WIF1: variants seen among roughly 807,000 people sequenced by gnomAD.
WIF1 encodes the protein Wnt inhibitory factor 1.
WIF1 carries 35 observed loss-of-function variants against 53.5 expected under a neutral mutation model. The observed-to-expected ratio is 0.65, with a 90% CI of 0.50 to 0.87. WIF1 has a LOEUF of 0.87. WIF1 is among the 40% of genes least tolerant of loss of function. The probability of loss-of-function intolerance (pLI) is 0.00; values close to 1 mark genes in which losing one functional copy is unlikely to be tolerated. For missense variants in WIF1, 467 were observed against 476.8 expected, an observed-to-expected ratio of 0.98 and a Z score of 0.19; for synonymous variants, 171 against 170.4, an observed-to-expected ratio of 1.00 and a Z score of -0.03.
At chr12:65,107,850 T>C (rs1345887753) in intron 2 of WIF1, among the ~76,000 whole-genome samples, 1 of 152,206 alleles carries the variant, frequency 6.6e-6, no homozygotes, top group Admixed American at 6.5e-5. Context: ...ACTGACTTGC[T>C]CTGTCACCTG....
intron 4 of WIF1, 25 bp from the exon 5 acceptor site, chr12:65,067,815 A>G (rs1405191389): frequency 1.2e-6 from 2 of 1,603,870 alleles, no homozygotes; most frequent in East Asian, 4.5e-5. Flanking sequence ...AACAAAGCTT[A>G]TATGGACACC....
chr12:65,066,255 C>T (rs1024058449), intron 6 of WIF1, among the ~76,000 whole-genome samples: 9 of 152,128 alleles, frequency 5.9e-5, no homozygotes, highest in African/African-American at 2.2e-4. Context: ...AAATTCTGGG[C>T]CAGGGCTTTT....
intron 2 of WIF1, among the ~76,000 whole-genome samples, chr12:65,085,326 A>G (rs1004774544): frequency 1.3e-5 from 2 of 152,168 alleles, no homozygotes; most frequent in African/African-American, 4.8e-5. Context: ...AAATTCATCC[A>G]TATTTCATAT....
chr12:65,104,015 C>T (rs542515633), intron 2 of WIF1, among the ~76,000 whole-genome samples: 58 of 152,190 alleles, frequency 3.8e-4, no homozygotes, highest in Non-Finnish European at 6.0e-4. Flanking sequence ...CAGTGAGTCA[C>T]GTTCATGCCA....
chr12:65,079,649 G>A (rs1295155068), intron 2 of WIF1, among the ~76,000 whole-genome samples: 1 of 149,774 alleles, frequency 6.7e-6, no homozygotes, highest in Non-Finnish European at 1.5e-5. Flanking sequence ...AAAAGCGGAA[G>A]GAGAGTTGTG....
intron 2 of WIF1, among the ~76,000 whole-genome samples, chr12:65,079,007 A>G (rs1350738540): frequency 6.6e-6 from 1 of 152,074 alleles, no homozygotes. Flanking sequence ...TCTACTAAAA[A>G]TACAAAACTT....
At chr12:65,072,298 A>T (rs956621030) in intron 3 of WIF1, among the ~76,000 whole-genome samples, 1 of 152,130 alleles carries the variant, frequency 6.6e-6, no homozygotes, top group African/African-American at 2.4e-5. Flanking sequence ...CCTCCCACTC[A>T]ACTTTCAAGG....
chr12:65,099,576 G>C (rs1883250834), intron 2 of WIF1, among the ~76,000 whole-genome samples: 2 of 152,170 alleles, frequency 1.3e-5, no homozygotes. Context: ...TTCAAAGCCT[G>C]AAACAGAGTC....
chr12:65,066,847 T>TA (rs2136614852), intron 5 of WIF1, 111 bp from the exon 6 acceptor site: 1 of 584,524 alleles, frequency 1.7e-6, no homozygotes, highest in East Asian at 3.4e-5. Flanking sequence ...TGGTTGACTC[T>TA]AAAATGATTA....
At chr12:65,088,937 G>T (rs1883083212) in intron 2 of WIF1, among the ~76,000 whole-genome samples, 1 of 152,090 alleles carries the variant, frequency 6.6e-6, no homozygotes, top group Non-Finnish European at 1.5e-5. Context: ...ACTCAAAAAA[G>T]TTAAGAACCA....
At chr12:65,111,883 C>T (rs1052676068) in intron 2 of WIF1, among the ~76,000 whole-genome samples, 1 of 152,190 alleles carries the variant, frequency 6.6e-6, no homozygotes, top group Non-Finnish European at 1.5e-5. Context: ...ACATAGCTAC[C>T]CTGTGAGATT....
chr12:65,067,186 A>G lies in WIF1; in HGVS notation c.635-450T>C, dbSNP rs1053153622. Among the ~76,000 whole-genome samples, 7 of 152,254 alleles carry G rather than the reference A, an allele frequency of 4.6e-5. No individual in the cohort carries two copies. In the South Asian group the frequency reaches 1.5e-3, roughly 32 times the overall value. Reference sequence around the variant, plus strand: ...TTCTTATTTCTTGAAGATGAAAAATATTTTGCTTACTGTAGTCAGATAAGC... The same window carrying G: ...TTCTTATTTCTTGAAGATGAAAAATGTTTTGCTTACTGTAGTCAGATAAGC... On this transcript the variant is annotated intron_variant, in intron 5 of 9. Transcript: ENST00000286574.
At chr12:65,113,248 G>A (rs1227605005) in intron 2 of WIF1, among the ~76,000 whole-genome samples, 2 of 152,192 alleles carry the variant, frequency 1.3e-5, no homozygotes, top group South Asian at 2.1e-4. Context: ...CAGAGGTCCG[G>A]CAACAGGATA....
chr12:65,093,457 T>A (rs1883155004), intron 2 of WIF1, among the ~76,000 whole-genome samples: 1 of 152,198 alleles, frequency 6.6e-6, no homozygotes, highest in Admixed American at 6.5e-5. Flanking sequence ...TTTACTTATA[T>A]TAAGTTATAC....
chr12:65,071,851 TA>T (rs1028593460), intron 3 of WIF1, among the ~76,000 whole-genome samples: 1 of 152,178 alleles, frequency 6.6e-6, no homozygotes, highest in Non-Finnish European at 1.5e-5. Context: ...AATGAATTAT[TA>T]TTTTTTTCAC....
intron 7 of WIF1, among the ~76,000 whole-genome samples, chr12:65,058,881 C>T (rs1882569113): frequency 6.6e-6 from 1 of 152,030 alleles, no homozygotes; most frequent in African/African-American, 2.4e-5. Flanking sequence ...GAAATCCTGT[C>T]TCTACTAAAA....
chr12:65,071,109 C>G (rs1025826481), intron 3 of WIF1, among the ~76,000 whole-genome samples: 2 of 151,376 alleles, frequency 1.3e-5, no homozygotes, highest in South Asian at 4.2e-4. Context: ...TGGCATATAT[C>G]CATAATCCCA....
At chr12:65,082,816 C>T (rs1272089630) in intron 2 of WIF1, among the ~76,000 whole-genome samples, 1 of 152,114 alleles carries the variant, frequency 6.6e-6, no homozygotes, top group Non-Finnish European at 1.5e-5. Context: ...CTTTGAAGTT[C>T]TGTGTTTATG....
At chr12:65,101,357 C>T (rs1592401545) in intron 2 of WIF1, among the ~76,000 whole-genome samples, 1 of 152,104 alleles carries the variant, frequency 6.6e-6, no homozygotes, top group Non-Finnish European at 1.5e-5. Flanking sequence ...AAAGAAGCTA[C>T]CATTTGAGGA....
Sources: allele counts gnomAD v4.1 joint callset (sites outside exome capture counted in the v4.1 genomes callset), GRCh38; gene constraint gnomAD v4.1.1; transcripts MANE v1.5; gene names NCBI Gene and HGNC (gene_info 2026-07-23, HGNC 2026-07-21).